Variants in FAM171A1 observed in about 807,000 individuals in gnomAD.
FAM171A1 encodes the protein protein FAM171A1.
Under a neutral mutation model 74.9 loss-of-function variants are expected in FAM171A1, and 23 were observed. The observed-to-expected ratio is 0.31, with a 90% CI of 0.22 to 0.44. The LOEUF is 0.44. Ranked by LOEUF, FAM171A1 falls within the 20% of genes least tolerant of loss-of-function variation. The probability of loss-of-function intolerance (pLI) is 1.00; values close to 1 mark genes in which losing one functional copy is unlikely to be tolerated. For missense variants in FAM171A1, 1,162 were observed against 1,159.2 expected (o/e 1.00, Z -0.03); for synonymous variants, 527 against 505.7 (o/e 1.04, Z -0.57).
intron 3 of FAM171A1, among the ~76,000 whole-genome samples, chr10:15,274,660 A>G (rs1043935971): frequency 1.3e-5 from 2 of 152,224 alleles, no homozygotes; most frequent in Non-Finnish European, 2.9e-5. Flanking sequence ...AGTAACCAAA[A>G]CAGCATGGTA....
intron 1 of FAM171A1, among the ~76,000 whole-genome samples, chr10:15,346,223 G>A (rs1835815983): frequency 6.6e-6 from 1 of 152,146 alleles, no homozygotes. Context: ...AGCTTCCCAA[G>A]GAGTTGGGAC....
intron 1 of FAM171A1, among the ~76,000 whole-genome samples, chr10:15,314,237 C>T (rs1241290919): frequency 7.2e-5 from 11 of 151,864 alleles, no homozygotes. Flanking sequence ...TCACCATTGC[C>T]ACTGAGATCT....
chr10:15,357,299 T>C (rs1178231001), intron 1 of FAM171A1, among the ~76,000 whole-genome samples: 3 of 151,968 alleles, frequency 2.0e-5, no homozygotes, highest in Non-Finnish European at 2.9e-5. Flanking sequence ...AATAAATAAA[T>C]AAATAAACAA....
At chr10:15,354,221 C>G (rs1013921511) in intron 1 of FAM171A1, among the ~76,000 whole-genome samples, 14 of 152,168 alleles carry the variant, frequency 9.2e-5, no homozygotes, top group Non-Finnish European at 1.6e-4. Context: ...GCAGGCTGGG[C>G]ATGGTGGCTC....
intron 1 of FAM171A1, among the ~76,000 whole-genome samples, chr10:15,361,357 A>G (rs1340473365): frequency 6.6e-6 from 1 of 152,170 alleles, no homozygotes. Context: ...AACGTCATTC[A>G]TTGAGACTGG....
chr10:15,360,144 G>A (rs1209267820), intron 1 of FAM171A1, among the ~76,000 whole-genome samples: 2 of 152,136 alleles, frequency 1.3e-5, no homozygotes, highest in African/African-American at 2.4e-5. Flanking sequence ...TGTTGCACAG[G>A]GTAGTCTTAA....
intron 1 of FAM171A1, among the ~76,000 whole-genome samples, chr10:15,293,572 G>A (rs1371043895): frequency 6.6e-6 from 1 of 151,474 alleles, no homozygotes; most frequent in Non-Finnish European, 1.5e-5. Flanking sequence ...TATATATATA[G>A]CAAAGATGAG....
At chr10:15,350,174 T>TA (rs893311010) in intron 1 of FAM171A1, among the ~76,000 whole-genome samples, 1 of 151,374 alleles carries the variant, frequency 6.6e-6, no homozygotes, top group Non-Finnish European at 1.5e-5. Flanking sequence ...AACAAACAAA[T>TA]AAAAAAAGAG....
chr10:15,232,154 G>A (rs1268074123), intron 5 of FAM171A1, among the ~76,000 whole-genome samples: 4 of 152,106 alleles, frequency 2.6e-5, no homozygotes, highest in African/African-American at 9.7e-5. Flanking sequence ...TGCCTAGAGG[G>A]ATGTGTTGCT....
intron 1 of FAM171A1, among the ~76,000 whole-genome samples, chr10:15,307,895 T>G (rs2131834499): frequency 6.6e-6 from 1 of 151,728 alleles, no homozygotes; most frequent in East Asian, 2.0e-4. Flanking sequence ...CCTCGAATCC[T>G]TGGGCTCAAG....
At chr10:15,215,427 G>A (rs1430140470) in intron 7 of FAM171A1, among the ~76,000 whole-genome samples, 2 of 151,954 alleles carry the variant, frequency 1.3e-5, no homozygotes, top group African/African-American at 4.8e-5. Context: ...GTACAGTGGT[G>A]CAATCTTGGC....
chr10:15,222,929 G>A (rs968912410), intron 5 of FAM171A1, among the ~76,000 whole-genome samples: 4 of 152,256 alleles, frequency 2.6e-5, no homozygotes, highest in Non-Finnish European at 5.9e-5. Context: ...TTGCAAATGG[G>A]TATGAGGGCA....
intron 1 of FAM171A1, among the ~76,000 whole-genome samples, chr10:15,327,650 C>CTAAATAAA (rs57436945): frequency 3.9e-4 from 59 of 151,916 alleles, no homozygotes; most frequent in African/African-American, 1.3e-3. Flanking sequence ...GACTCTGTCT[C>CTAAATAAA]TAAATAAATA....
intron 1 of FAM171A1, among the ~76,000 whole-genome samples, chr10:15,296,527 T>C (rs1476161588): frequency 6.6e-6 from 1 of 152,176 alleles, no homozygotes; most frequent in Non-Finnish European, 1.5e-5. Context: ...TTGATGTTCC[T>C]CCGCAAAGAC....
rs768173394 is a variant in FAM171A1, at chr10:15,213,117, C to A, written c.2471G>T (p.Ser824Ile). 5.6e-6 allele frequency: 9 copies of A among 1,613,846 alleles called. No homozygotes were observed. In the South Asian group the frequency reaches 7.7e-5, roughly 14 times the overall value. ...CTGCAGGCTGGGCAGCTGGCCACCA[C>A]TTCTCCGACTCGACCCCTCCAACAA... ...RCLLEGSSRRSGGQLPSLQEE... is the reference protein window; with the variant it reads ...RCLLEGSSRRIGGQLPSLQEE... The change falls in exon 8 of 8, where the codon AGT becomes ATT. Residue 824 changes from serine to isoleucine, a missense_variant. Transcript: ENST00000378116. This position sits in a 1 kb window ranked among gnomAD's most constrained non-coding sequence, Gnocchi z 6.8.
intron 1 of FAM171A1, among the ~76,000 whole-genome samples, chr10:15,300,772 T>C (rs907002152): frequency 2.6e-5 from 4 of 152,126 alleles, no homozygotes; most frequent in African/African-American, 4.8e-5. Flanking sequence ...GCCCTGCCCA[T>C]AATAATCTCA....
chr10:15,291,890 T>C (rs1835106138), intron 1 of FAM171A1, among the ~76,000 whole-genome samples: 1 of 152,226 alleles, frequency 6.6e-6, no homozygotes, highest in African/African-American at 2.4e-5. Flanking sequence ...TACCACCTCC[T>C]TGATGAGGCT....
intron 5 of FAM171A1, among the ~76,000 whole-genome samples, chr10:15,237,823 G>A (rs1834313296): frequency 6.6e-6 from 1 of 151,480 alleles, no homozygotes; most frequent in Non-Finnish European, 1.5e-5. Flanking sequence ...TCACCCCTAA[G>A]AGTGATTTTG....
At chr10:15,371,363 G>A (rs2131899884), upstream of FAM171A1, among the ~76,000 whole-genome samples, 1 of 146,108 alleles carries the variant, frequency 6.8e-6, no homozygotes, top group Admixed American at 6.8e-5. Flanking sequence ...GCCACCTGGC[G>A]GCTGCGGCGC....
Sources: gnomAD v4.1 joint callset for allele counts (sites outside exome capture counted in the v4.1 genomes callset) on GRCh38, gnomAD v4.1.1 for gene constraint, Gnocchi (gnomAD v3.1) non-coding constraint, MANE v1.5 for transcripts, NCBI Gene and HGNC (gene_info 2026-07-23, HGNC 2026-07-21) for gene names.